The following AGPAT4 variants were observed in gnomAD, a reference collection of about 807,000 sequenced individuals.
The protein encoded by AGPAT4 is 1-acyl-sn-glycerol-3-phosphate acyltransferase delta.
In AGPAT4, 15 loss-of-function variants were observed where a neutral mutation model predicts 48.0. The ratio of observed to expected loss-of-function variants is 0.31; its 90% CI spans 0.21 to 0.48. AGPAT4 has a LOEUF of 0.48. Among genes scored for constraint, AGPAT4 ranks in the 20% least tolerant of loss-of-function variants. The pLI is 0.99. For missense variants in AGPAT4, 314 were observed against 482.5 expected, an observed-to-expected ratio of 0.65 and a Z score of 3.27; for synonymous variants, 178 against 198.7, an observed-to-expected ratio of 0.90 and a Z score of 0.88.
In AGPAT4 at chr6:161,244,565, G is replaced by A. The variant is rs999808933; in HGVS notation, c.-89-12263C>T. Among the ~76,000 whole-genome samples, 4 of 152,118 alleles carry A rather than the reference G, an allele frequency of 2.6e-5. No individual in the cohort carries two copies. Among genetic ancestry groups the A allele is most frequent in the African/African-American group, 7.2e-5 (3 of 41,422 alleles). ...TCAGCACTCTACAACCTTTAAGCTG[G>A]CTCCATTATGGCTAAACAAACTCAC... On this transcript the variant is annotated intron_variant, in intron 1 of 8. Coordinates refer to ENST00000320285, the MANE Select transcript of AGPAT4 (RefSeq NM_020133.3). This position sits in a 1 kb window ranked among gnomAD's most constrained non-coding sequence, Gnocchi z 4.7.
chr6:161,219,222 G>A lies in AGPAT4; in HGVS notation c.178+12814C>T, dbSNP rs955115154. On this transcript the variant is annotated intron_variant, in intron 2 of 8. Transcript: ENST00000320285. The surrounding 1 kb of genome is among the most constrained non-coding windows in gnomAD (Gnocchi z 4.9). ...GAAACCAAAACCCATAGCTAAGGCA[G>A]TGGTCTTTCAATGTTTTTGATTCCT... Among the ~76,000 whole-genome samples, 1 of 151,818 alleles carries A rather than the reference G, an allele frequency of 6.6e-6. No homozygotes were observed.
chr6:161,158,861 C>T lies in AGPAT4; in HGVS notation c.349-4551G>A, dbSNP rs755691731. On this transcript the variant is annotated intron_variant, in intron 3 of 8. Coordinates refer to ENST00000320285, the MANE Select transcript of AGPAT4 (RefSeq NM_020133.3). This position sits in a 1 kb window ranked among gnomAD's most constrained non-coding sequence, Gnocchi z 5.3. ...AGCAGCAGGGTATCCTGCTCCTGCA[C>T]CGCCTCCACCCCCACTAACACCAGC... is the stretch of plus-strand genomic sequence containing the variant. Among the ~76,000 whole-genome samples the T allele has an allele frequency of 4.6e-5, 7 of 152,208 alleles. No individual in the cohort carries two copies. In the South Asian group the frequency reaches 6.2e-4, roughly 14 times the overall value.
intron 1 of AGPAT4, among the ~76,000 whole-genome samples, chr6:161,256,746 A>G (rs1782955000): frequency 6.6e-6 from 1 of 152,260 alleles, no homozygotes; most frequent in Non-Finnish European, 1.5e-5. Context: ...CAAAAGCTTC[A>G]TTAATTAATG....
In AGPAT4 at chr6:161,139,673, T is replaced by G. The variant is rs1583273293; in HGVS notation, c.844-53A>C. ...ACGCCACACGGGGCTCGGTGGCAGG[T>G]CCCTCCCGAGGCCCTGCTTCCAAGG... is the stretch of plus-strand genomic sequence containing the variant. On this transcript the variant is annotated intron_variant, in intron 7 of 8. Transcript: ENST00000320285. The surrounding 1 kb of genome is among the most constrained non-coding windows in gnomAD (Gnocchi z 9.1). 3.4e-6 allele frequency: 5 copies of G among 1,485,854 alleles called. No homozygotes were observed. The highest frequency in any genetic ancestry group is 4.6e-6 in the Non-Finnish European group (5 of 1,094,912). 92.0% of individuals were successfully genotyped at this position (1,485,854 alleles called of 1,614,324 possible).
intron 5 of AGPAT4, 133 bp downstream of exon 5, chr6:161,153,213 G>T: frequency 7.9e-7 from 1 of 1,262,228 alleles, no homozygotes; most frequent in Non-Finnish European, 1.1e-6. Flanking sequence ...GACTGGACTT[G>T]AGCAGCCACT....
In AGPAT4 at chr6:161,189,180, G is replaced by A. The variant is rs117582557; in HGVS notation, c.179-22763C>T. On this transcript the variant is annotated intron_variant, in intron 2 of 8. Transcript: ENST00000320285. The surrounding 1 kb of genome is among the most constrained non-coding windows in gnomAD (Gnocchi z 5.3). ...GAGGCTGGTGAGTGGGCATGCAACA[G>A]TGTTGCTAAACCCGGATTGTCTGGC... 6.6e-6 allele frequency among the ~76,000 whole-genome samples: 1 copy of A among 152,228 alleles called. No homozygotes were observed. Among genetic ancestry groups the A allele is most frequent in the Non-Finnish European group, 1.5e-5 (1 of 68,040 alleles).
chr6:161,152,371 CG>C (rs1779616661), intron 5 of AGPAT4, among the ~76,000 whole-genome samples: 1 of 152,106 alleles, frequency 6.6e-6, no homozygotes, highest in Non-Finnish European at 1.5e-5. Flanking sequence ...GGCGCTGGCC[CG>C]GGTGTGCAGC....
intron 5 of AGPAT4, among the ~76,000 whole-genome samples, chr6:161,151,112 G>A (rs77354367): frequency 0.047 from 7,132 of 152,294 alleles, 204 homozygotes; most frequent in Non-Finnish European, 0.05. Flanking sequence ...ACTGCAAGGC[G>A]CATCAGAAGG....
chr6:161,203,787 T>TC, intron 2 of AGPAT4, among the ~76,000 whole-genome samples: 1 of 152,168 alleles, frequency 6.6e-6, no homozygotes, highest in Non-Finnish European at 1.5e-5. Flanking sequence ...TTTGAAGTCC[T>TC]CTTGTTGAGC....
chr6:161,147,046 G>A lies in AGPAT4; in HGVS notation c.768-447C>T, dbSNP rs1562312121. Among the ~76,000 whole-genome samples the A allele has an allele frequency of 6.6e-6, 1 of 152,306 alleles. No individual in the cohort carries two copies. Among genetic ancestry groups the A allele is most frequent in the East Asian group, 1.9e-4 (1 of 5,184 alleles). On this transcript the variant is annotated intron_variant, in intron 6 of 8. Coordinates refer to ENST00000320285, the MANE Select transcript of AGPAT4 (RefSeq NM_020133.3). The surrounding 1 kb of genome is among the most constrained non-coding windows in gnomAD (Gnocchi z 4.8). Reference sequence around the variant, plus strand: ...GCCAAGTAACCAACTTACTGGTAATGGCAGATTATCTCCCATCAAATGATT... The same window carrying A: ...GCCAAGTAACCAACTTACTGGTAATAGCAGATTATCTCCCATCAAATGATT...
Position 161,227,872 on chromosome 6 carries a change from G to A in AGPAT4, c.178+4164C>T, listed in dbSNP as rs909187828. ...CAAACACTCATCAAGTGTGGGATGC[G>A]GTGGGGGTGGTGAAAGGAAGTAACA... On this transcript the variant is annotated intron_variant, in intron 2 of 8. Transcript: ENST00000320285. 3.2e-4 allele frequency among the ~76,000 whole-genome samples: 9 copies of A among 28,046 alleles called. No individual in the cohort carries two copies. The South Asian group carries it at 5.8e-3, about 18-fold the overall frequency. 18.4% of individuals were successfully genotyped at this position (28,046 alleles called of 152,430 possible).
intron 2 of AGPAT4, among the ~76,000 whole-genome samples, chr6:161,193,002 G>C (rs928192356): frequency 6.6e-6 from 1 of 152,124 alleles, no homozygotes; most frequent in Non-Finnish European, 1.5e-5. Context: ...ATCTACGTGT[G>C]ACTGGATTTT....
At chr6:161,250,791 A>T (rs1374754775) in intron 1 of AGPAT4, among the ~76,000 whole-genome samples, 9 of 152,188 alleles carry the variant, frequency 5.9e-5, no homozygotes, top group Admixed American at 2.0e-4. Flanking sequence ...AGCAATAAGA[A>T]TTCTCATTTA....
intron 2 of AGPAT4, among the ~76,000 whole-genome samples, chr6:161,185,172 A>G (rs529850571): frequency 4.2e-4 from 64 of 151,132 alleles, no homozygotes; most frequent in African/African-American, 1.5e-3. Context: ...AGAGGGAGAT[A>G]GTTTGGAAAC....
chr6:161,260,203 C>T (rs1032142228), intron 1 of AGPAT4, among the ~76,000 whole-genome samples: 3 of 152,142 alleles, frequency 2.0e-5, no homozygotes, highest in African/African-American at 7.2e-5. Flanking sequence ...ATAGGCGATG[C>T]CTTTCATTCC....
rs1582922328 is a variant in AGPAT4 at position 161,266,143 on chromosome 6, CAGTT to C, written c.-90+7791_-90+7794del. Among the ~76,000 whole-genome samples, 1 of 152,106 alleles carries C rather than the reference CAGTT, an allele frequency of 6.6e-6. No individual in the cohort carries two copies. Among genetic ancestry groups the C allele is most frequent in the Non-Finnish European group, 1.5e-5 (1 of 68,020 alleles). On this transcript the variant is annotated intron_variant, in intron 1 of 8. Coordinates refer to ENST00000320285, the MANE Select transcript of AGPAT4 (RefSeq NM_020133.3). The surrounding 1 kb of genome is among the most constrained non-coding windows in gnomAD (Gnocchi z 6.2). ...TGGGGTGACTACTCCTGGCATGTAA[CAGTT>C]AGAGGCCAGGAATGTGGCTGAGCAT...
At chr6:161,265,401 TG>T (rs1488738187) in intron 1 of AGPAT4, among the ~76,000 whole-genome samples, 2 of 140,152 alleles carry the variant, frequency 1.4e-5, no homozygotes, top group East Asian at 2.2e-4. Context: ...GACTGGGTGC[TG>T]GATTAGTACC....
At position 161,130,435 on chromosome 6, in the gene AGPAT4, G is replaced by A. The variant is rs6900500; in HGVS notation, c.*6105C>T. 0.92 allele frequency: 145,990 copies of A among 159,228 alleles called. 67,073 individuals carry two copies. Among genetic ancestry groups the A allele is most frequent in the East Asian group, 0.99 (5,608 of 5,684 alleles). The allele number at this position is 159,228 out of a possible 1,614,324, so 9.9% of individuals were successfully genotyped here. On this transcript the variant is annotated 3_prime_UTR_variant, in exon 9 of 9. Coordinates refer to ENST00000320285, the MANE Select transcript of AGPAT4 (RefSeq NM_020133.3). ...ACAAAGCAGTCTGTAAAACCCACTC[G>A]CTTTCCCTCCTTAAATTACCTCCCT... is the stretch of plus-strand genomic sequence containing the variant.
At position 161,141,267 on chromosome 6, in the gene AGPAT4, T is replaced by C. The variant is rs1779242025; in HGVS notation, c.844-1647A>G. 6.6e-6 allele frequency among the ~76,000 whole-genome samples: 1 copy of C among 152,136 alleles called. No homozygotes were observed. Among genetic ancestry groups the C allele is most frequent in the East Asian group, 1.9e-4 (1 of 5,178 alleles). ...AGCGTCACTTGTCGCGTGACTCTGCTGTTGGACATCAGCCAAGAGAAGCCA... is the reference window on the plus strand; with the variant it reads ...AGCGTCACTTGTCGCGTGACTCTGCCGTTGGACATCAGCCAAGAGAAGCCA... On this transcript the variant is annotated intron_variant, in intron 7 of 8. Coordinates refer to ENST00000320285, the MANE Select transcript of AGPAT4 (RefSeq NM_020133.3). The surrounding 1 kb of genome is among the most constrained non-coding windows in gnomAD (Gnocchi z 6.7).
Sources: allele counts gnomAD v4.1 joint callset (sites outside exome capture counted in the v4.1 genomes callset), GRCh38; gene constraint gnomAD v4.1.1; non-coding constraint Gnocchi (gnomAD v3.1); transcripts MANE v1.5; gene names NCBI Gene and HGNC (gene_info 2026-07-23, HGNC 2026-07-21).